Variants in GRM8 observed in about 807,000 individuals in gnomAD.
GRM8 encodes metabotropic glutamate receptor 8.
A neutral mutation model predicts 87.2 loss-of-function variants in GRM8; 47 were observed. That is an observed-to-expected ratio of 0.54 (90% CI 0.43 to 0.69). GRM8 has a LOEUF of 0.69. Ranked by LOEUF, GRM8 falls within the 30% of genes least tolerant of loss-of-function variation. The pLI is 0.00. For synonymous variants in GRM8, 396 were observed against 404.5 expected, an observed-to-expected ratio of 0.98 and a Z score of 0.25; for missense variants, 1,019 against 1,139.2, an observed-to-expected ratio of 0.89 and a Z score of 1.52.
intron 6 of GRM8, among the ~76,000 whole-genome samples, chr7:126,858,460 C>A (rs1290300918): frequency 6.6e-6 from 1 of 152,126 alleles, no homozygotes; most frequent in Admixed American, 6.6e-5. Flanking sequence ...ATGCTCAAGC[C>A]ACACTGGCTT....
At chr7:126,908,919 A>G (rs1412162946) in intron 3 of GRM8, among the ~76,000 whole-genome samples, 1 of 152,148 alleles carries the variant, frequency 6.6e-6, no homozygotes, top group African/African-American at 2.4e-5. Flanking sequence ...GTGTAGATAA[A>G]TTATTTCTCA....
At chr7:126,912,575 C>T (rs1422696772) in intron 3 of GRM8, among the ~76,000 whole-genome samples, 1 of 152,210 alleles carries the variant, frequency 6.6e-6, no homozygotes, top group Non-Finnish European at 1.5e-5. Flanking sequence ...AATCATCAGA[C>T]TTGGGCCACT....
At chr7:126,521,066 C>T (rs967856122) in intron 9 of GRM8, among the ~76,000 whole-genome samples, 6 of 152,064 alleles carry the variant, frequency 3.9e-5, no homozygotes, top group Admixed American at 2.6e-4. Flanking sequence ...TCTACCAATA[C>T]TATTTTCAAT....
rs181598406 is a variant in GRM8, at chr7:126,788,193, T to C, written c.1157-18128A>G. On this transcript the variant is annotated intron_variant, in intron 6 of 10. Coordinates refer to ENST00000339582, the MANE Select transcript of GRM8 (RefSeq NM_000845.3). Reference sequence around the variant, plus strand: ...GGGAGGCCAAGGAGGGAGGATTACCTGAGGTCAGGATTTTGAGACCAGTCT... The same window carrying C: ...GGGAGGCCAAGGAGGGAGGATTACCCGAGGTCAGGATTTTGAGACCAGTCT... Among the ~76,000 whole-genome samples, 419 of 152,010 alleles carry C rather than the reference T, an allele frequency of 2.8e-3. 3 individuals are homozygous for C. Among genetic ancestry groups the C allele is most frequent in the South Asian group, 0.022 (105 of 4,812 alleles).
intron 9 of GRM8, among the ~76,000 whole-genome samples, chr7:126,448,856 A>C (rs1802306530): frequency 6.6e-6 from 1 of 151,864 alleles, no homozygotes; most frequent in Non-Finnish European, 1.5e-5. Context: ...GGAGACATAG[A>C]GGGGAACAAC....
chr7:126,518,207 T>C (rs183568216), intron 9 of GRM8, among the ~76,000 whole-genome samples: 14 of 152,112 alleles, frequency 9.2e-5, no homozygotes, highest in Non-Finnish European at 1.0e-4. Flanking sequence ...TGAAGCGAAA[T>C]AAAAAATGAG....
rs1290659415 is a variant in GRM8 at position 126,805,599 on chromosome 7, TGCTTGTG to T, written c.1157-35541_1157-35535del. On this transcript the variant is annotated intron_variant, in intron 6 of 10. Coordinates refer to ENST00000339582, the MANE Select transcript of GRM8 (RefSeq NM_000845.3). Reference sequence around the variant, plus strand: ...CCCATGGATACCTCTTACAGCTTGCTGCTTGTGGCTTGCATCCATGCAGATGTGGAAA... The same window carrying T: ...CCCATGGATACCTCTTACAGCTTGCTGCTTGCATCCATGCAGATGTGGAAA... Among the ~76,000 whole-genome samples the T allele has an allele frequency of 4.6e-5, 7 of 152,350 alleles. No homozygotes were observed. In the East Asian group the frequency reaches 1.4e-3, roughly 29 times the overall value.
At chr7:126,575,537 C>T (rs1795036951) in intron 8 of GRM8, among the ~76,000 whole-genome samples, 1 of 151,840 alleles carries the variant, frequency 6.6e-6, no homozygotes, top group African/African-American at 2.4e-5. Context: ...GTCCCTGGTC[C>T]CAAAAATGTT....
chr7:126,446,327 C>A lies in GRM8; in HGVS notation c.2476G>T (p.Ala826Ser). The change falls in exon 10 of 11, where the codon GCT becomes TCT. Residue 826 changes from alanine to serine, a missense_variant. By Grantham distance (99) the Ala-to-Ser change is moderately conservative. Transcript: ENST00000339582. The stretch of plus-strand genomic sequence containing the variant: ...TAGAGCATGCCCAGAGATACTGAAG[C>A]ACTTAAACTCATGGAGACAGTAAGT... ...TTLTVSMSLS[A>S]SVSLGMLYMP... The A allele has an allele frequency of 6.2e-7, 1 of 1,610,066 alleles. No individual in the cohort carries two copies. The highest frequency in any genetic ancestry group is 2.2e-5 in the East Asian group (1 of 44,638).
At chr7:127,188,089 T>G (rs1180517865) in intron 2 of GRM8, among the ~76,000 whole-genome samples, 4 of 152,228 alleles carry the variant, frequency 2.6e-5, no homozygotes, top group Non-Finnish European at 5.9e-5. Flanking sequence ...AAAAATTCCT[T>G]TCTTTGACAT....
intron 2 of GRM8, among the ~76,000 whole-genome samples, chr7:127,125,511 T>C (rs767654562): frequency 2.0e-5 from 3 of 151,800 alleles, no homozygotes; most frequent in Non-Finnish European, 2.9e-5. Flanking sequence ...GATACAAAAA[T>C]ACTAGAAGAA....
intron 3 of GRM8, among the ~76,000 whole-genome samples, chr7:126,938,095 T>C (rs1806526060): frequency 6.6e-6 from 1 of 152,218 alleles, no homozygotes; most frequent in Non-Finnish European, 1.5e-5. Context: ...CATGGTCATA[T>C]AACTACATTT....
rs28951998 is a variant in GRM8, at chr7:127,132,365, C to G, written c.511-25653G>C. On this transcript the variant is annotated intron_variant, in intron 2 of 10. Transcript: ENST00000339582. ...AAGTTACTTTTATTGCATTTTGTTC[C>G]TTTTAATTATTTCTTCTCCTTTTCC... Among the ~76,000 whole-genome samples, 11 of 152,266 alleles carry G rather than the reference C, an allele frequency of 7.2e-5. No homozygotes were observed. In the East Asian group the frequency reaches 2.1e-3, roughly 29 times the overall value.
chr7:127,171,173 A>G (rs1793778271), intron 2 of GRM8, among the ~76,000 whole-genome samples: 1 of 152,182 alleles, frequency 6.6e-6, no homozygotes, highest in African/African-American at 2.4e-5. Context: ...GTAGAGCCTT[A>G]AGTATGACTG....
At chr7:127,053,735 C>G (rs913615063) in intron 3 of GRM8, among the ~76,000 whole-genome samples, 8 of 134,454 alleles carry the variant, frequency 5.9e-5, no homozygotes, top group African/African-American at 2.3e-4. Context: ...TTGCAGTGAG[C>G]TAAGACCACA....
At chr7:126,833,949 A>C (rs1056330480) in intron 6 of GRM8, among the ~76,000 whole-genome samples, 1 of 152,154 alleles carries the variant, frequency 6.6e-6, no homozygotes, top group African/African-American at 2.4e-5. Context: ...GTAAGGGTCC[A>C]CTGGCCACAT....
chr7:126,532,760 T>G (rs1487696330), intron 9 of GRM8, among the ~76,000 whole-genome samples, 192 bp downstream of exon 9: 1 of 108,474 alleles, frequency 9.2e-6, no homozygotes, highest in Non-Finnish European at 1.8e-5. Flanking sequence ...CCTTGACGGA[T>G]GGAGATATAT....
intron 7 of GRM8, among the ~76,000 whole-genome samples, chr7:126,669,078 A>G (rs1328447962): frequency 4.6e-5 from 7 of 152,210 alleles, no homozygotes; most frequent in African/African-American, 1.7e-4. Flanking sequence ...CAGAAAACCA[A>G]ACACTGCATG....
At chr7:127,244,236 T>C (rs575571392) in intron 1 of GRM8, among the ~76,000 whole-genome samples, 2 of 152,284 alleles carry the variant, frequency 1.3e-5, no homozygotes, top group African/African-American at 2.4e-5. Context: ...GTGGGAGCAA[T>C]GGGTATATTA....
Sources: allele counts gnomAD v4.1 joint callset (sites outside exome capture counted in the v4.1 genomes callset), GRCh38; gene constraint gnomAD v4.1.1; transcripts MANE v1.5; gene names NCBI Gene and HGNC (gene_info 2026-07-23, HGNC 2026-07-21).